The following LZTR1 variants were observed in gnomAD, a reference collection of about 807,000 sequenced individuals.
LZTR1 encodes leucine-zipper-like transcriptional regulator 1.
Under a neutral mutation model 105.7 loss-of-function variants are expected in LZTR1, and 260 were observed. The ratio of observed to expected loss-of-function variants is 2.46; its 90% CI spans 2.22 to 2.72. The LOEUF (loss-of-function observed/expected upper bound fraction) is 2.72. Ranked by LOEUF, LZTR1 falls within the 30% of genes most tolerant of loss-of-function variation. LZTR1 has a pLI of 0.00. For missense variants in LZTR1, 1,214 were observed against 1,166.9 expected, an observed-to-expected ratio of 1.04 and a Z score of -0.59; for synonymous variants, 490 against 476.4, an observed-to-expected ratio of 1.03 and a Z score of -0.37.
chr22:20,988,532 G>C (rs540528633), intron 5 of LZTR1, among the ~76,000 whole-genome samples: 13 of 152,322 alleles, frequency 8.5e-5, no homozygotes, highest in Admixed American at 6.5e-5. Flanking sequence ...CGCTTTTTGA[G>C]CACCCCCTTT....
chr22:20,987,979 G>T, intron 4 of LZTR1, 31 bp from the exon 5 acceptor site: 1 of 1,337,688 alleles, frequency 7.5e-7, no homozygotes, highest in Non-Finnish European at 1.1e-6. Context: ...CTGCCCTTTG[G>T]GTTTGACAGT....
chr22:20,994,786 C>T, intron 15 of LZTR1, 59 bp downstream of exon 15: 1 of 1,607,310 alleles, frequency 6.2e-7, no homozygotes, highest in East Asian at 2.2e-5. Flanking sequence ...CTTAGGCCCC[C>T]TCCCTGCCCA....
At chr22:20,988,928 A>C (rs1246098067) in intron 6 of LZTR1, 56 bp downstream of exon 6, 3 of 1,501,160 alleles carry the variant, frequency 2.0e-6, no homozygotes, top group Admixed American at 3.3e-5. Flanking sequence ...GACCCGGAGC[A>C]GGCCGTCCTG....
rs1924651973 is a variant in LZTR1 at position 20,992,791 on chromosome 22, C to G, written c.1150-3C>G. The G allele has an allele frequency of 1.3e-6, 2 of 1,573,498 alleles. No individual in the cohort carries two copies. The highest frequency in any genetic ancestry group is 1.7e-6 in the Non-Finnish European group (2 of 1,154,252). On this transcript the variant is annotated splice_polypyrimidine_tract_variant and splice_region_variant and intron_variant, in intron 10 of 20. Transcript: ENST00000646124. ...CATTCCACCCTGCCTTCTTGTCCCC[C>G]AGCTGCCCAGTGGGAGGCTCTTCCA...
rs989677165 is a variant in LZTR1, at chr22:20,997,570, C to G, written c.*222C>G. On this transcript the variant is annotated 3_prime_UTR_variant, in exon 21 of 21. Transcript: ENST00000646124. ...ACAGGGAGCGGATGATGAAGCAGACCCCCTCCTGTCATCACCCTCTCCTGG... is the reference window on the plus strand; with the variant it reads ...ACAGGGAGCGGATGATGAAGCAGACGCCCTCCTGTCATCACCCTCTCCTGG... The G allele has an allele frequency of 2.0e-6, 1 of 507,960 alleles. No homozygotes were observed. The highest frequency in any genetic ancestry group is 1.9e-5 in the African/African-American group (1 of 51,464). 31.5% of individuals were successfully genotyped at this position (507,960 alleles called of 1,614,324 possible).
At chr22:20,995,381 C>T (rs1288537336) in intron 16 of LZTR1, 1 of 610,346 alleles carries the variant, frequency 1.6e-6, no homozygotes, top group South Asian at 1.5e-5. Flanking sequence ...CCTTCATTCC[C>T]CCAGCTCTCC....
chr22:20,989,237 C>T (rs1053968580), intron 6 of LZTR1, among the ~76,000 whole-genome samples: 3 of 152,358 alleles, frequency 2.0e-5, no homozygotes, highest in Admixed American at 1.3e-4. Context: ...GCTTTGCTCT[C>T]TTTTTCTGAT....
chr22:20,986,594 G>A (rs1924396787), intron 3 of LZTR1: 1 of 152,082 alleles, frequency 6.6e-6, no homozygotes, highest in African/African-American at 2.4e-5. Context: ...GTAGATAGAT[G>A]ACAGACAATA....
In LZTR1 at chr22:20,996,887, TC is replaced by T; in HGVS notation, c.2329del (p.Leu777TrpfsTer12). On this transcript the variant is annotated frameshift_variant and splice_region_variant, in exon 20 of 21. Transcript: ENST00000646124. LOFTEE classifies it high-confidence loss of function. ...GCCTCAAGGTCCCTGCCATTGCAGATCCTGGAGGCAGCTGACAAAACGCAGG... is the reference window on the plus strand; with the variant it reads ...GCCTCAAGGTCCCTGCCATTGCAGATCTGGAGGCAGCTGACAAAACGCAGG... ...MNVTVQNVLQ[I>X]LEAADKTQAL... 1 of 1,612,186 alleles carries T rather than the reference TC, an allele frequency of 6.2e-7. No homozygotes were observed.
intron 6 of LZTR1, 145 bp from the exon 7 acceptor site, chr22:20,989,480 C>T: frequency 2.7e-6 from 2 of 728,736 alleles, no homozygotes; most frequent in Non-Finnish European, 5.0e-6. Context: ...TGCCACCCCA[C>T]ACAGAAGTTC....
At chr22:20,993,505 G>A in intron 11 of LZTR1, 157 bp from the exon 12 acceptor site, 1 of 618,232 alleles carries the variant, frequency 1.6e-6, no homozygotes, top group Non-Finnish European at 2.9e-6. Flanking sequence ...TTTCAGGGTG[G>A]GGTAGCGGCT....
intron 16 of LZTR1, chr22:20,995,339 T>C: frequency 1.6e-6 from 1 of 630,400 alleles, no homozygotes; most frequent in South Asian, 1.5e-5. Flanking sequence ...GATCAGTCTC[T>C]GGACTTCTCT....
At chr22:20,988,342 T>C (rs1315346212) in intron 5 of LZTR1, among the ~76,000 whole-genome samples, 1 of 152,170 alleles carries the variant, frequency 6.6e-6, no homozygotes, top group Non-Finnish European at 1.5e-5. Flanking sequence ...TGGTGGCGCA[T>C]GCCTGTAGTC....
chr22:20,990,279 T>C, intron 7 of LZTR1, 107 bp from the exon 8 acceptor site: 1 of 1,263,692 alleles, frequency 7.9e-7, no homozygotes. Flanking sequence ...AATCCTCATC[T>C]GGGGAAGTTT....
In LZTR1 at chr22:20,992,739, C is replaced by A; in HGVS notation, c.1150-55C>A. ...CCTTGCCTTACCTGGCTGCACCAGC[C>A]GCACTGTGGAGGCTCTGCTCCCCCA... On this transcript the variant is annotated intron_variant, in intron 10 of 20. Transcript: ENST00000646124. The A allele has an allele frequency of 3.4e-6, 4 of 1,173,008 alleles. No homozygotes were observed. The South Asian group carries it at 3.9e-5, about 11-fold the overall frequency. The allele number at this position is 1,173,008 out of a possible 1,614,324, so 72.7% of individuals were successfully genotyped here. A position where few individuals can be genotyped will look rare whatever the true frequency, so the allele number is the denominator to read the frequency against.
At chr22:20,982,954 C>T in intron 1 of LZTR1, 73 bp from the exon 2 acceptor site, 1 of 1,287,834 alleles carries the variant, frequency 7.8e-7, no homozygotes. Context: ...GGCAGCTCTC[C>T]TGCTTAGTCC....
chr22:20,995,670 T>C (rs1438676686), intron 16 of LZTR1, 76 bp from the exon 17 acceptor site: 4 of 1,567,388 alleles, frequency 2.6e-6, no homozygotes, highest in Admixed American at 1.7e-5. Context: ...TGGGCAGATA[T>C]GCAGGAAGGT....
At chr22:20,983,230 C>A (rs933584776) in intron 2 of LZTR1, 141 bp downstream of exon 2, 12 of 717,854 alleles carry the variant, frequency 1.7e-5, no homozygotes, top group African/African-American at 6.9e-5. Flanking sequence ...TGTGAGATTC[C>A]TTGCACTCAC....
intron 18 of LZTR1, 40 bp from the exon 19 acceptor site, chr22:20,996,656 G>T (rs770899005): frequency 1.3e-6 from 2 of 1,569,950 alleles, no homozygotes; most frequent in Non-Finnish European, 1.8e-6. Flanking sequence ...GGGTGCGGGC[G>T]GACCAGCTTC....
Sources: allele counts gnomAD v4.1 joint callset (sites outside exome capture counted in the v4.1 genomes callset), GRCh38; gene constraint gnomAD v4.1.1; transcripts MANE v1.5; gene names NCBI Gene and HGNC (gene_info 2026-07-23, HGNC 2026-07-21).